SLC16A12: variants seen among roughly 807,000 people sequenced by gnomAD.
The protein encoded by SLC16A12 is monocarboxylate transporter 12.
A neutral mutation model predicts 42.4 loss-of-function variants in SLC16A12; 17 were observed. That is an observed-to-expected ratio of 0.40 (90% CI 0.27 to 0.60). The LOEUF is 0.60. Among genes scored for constraint, SLC16A12 ranks in the 20% least tolerant of loss-of-function variants. The probability of loss-of-function intolerance (pLI) is 0.42; values close to 1 mark genes in which losing one functional copy is unlikely to be tolerated. For synonymous variants in SLC16A12, 224 were observed against 229.4 expected (o/e 0.98, Z 0.21); for missense variants, 544 against 623.0 (o/e 0.87, Z 1.35).
chr10:89,433,120 C>T lies in SLC16A12; in HGVS notation c.1495G>A (p.Asp499Asn), dbSNP rs750523391. Residue 499 changes from aspartate (D) to asparagine (N), a missense_variant, in exon 8 of 8, where the codon GAT becomes AAT. Physicochemically the swap from Asp to Asn is conservative, Grantham distance 23. Transcript: ENST00000371790. ...GCCACAGGCTCCCCATGTTTCTGAT[C>T]TAATTCTCTTGCCACAGAATAAGCC... ...SVAYSVAREL[D>N]QKHGEPVATA... 54 of 1,614,200 alleles carry T rather than the reference C, an allele frequency of 3.3e-5. No homozygotes were observed. The highest frequency in any genetic ancestry group is 4.5e-5 in the Non-Finnish European group (53 of 1,180,032).
At chr10:89,487,962 GTGTA>G (rs1443031032) in intron 2 of SLC16A12, among the ~76,000 whole-genome samples, 8 of 62,804 alleles carry the variant, frequency 1.3e-4, no homozygotes, top group African/African-American at 5.4e-4. Context: ...TGTGGTGTGT[GTGTA>G]TATATATATA....
intron 3 of SLC16A12, among the ~76,000 whole-genome samples, chr10:89,461,546 C>A (rs1842300617): frequency 6.6e-6 from 1 of 152,132 alleles, no homozygotes. Context: ...ACCTGGTACC[C>A]CTTTTCCTCA....
chr10:89,437,518 G>T (rs924342310), intron 6 of SLC16A12, among the ~76,000 whole-genome samples: 8 of 152,028 alleles, frequency 5.3e-5, no homozygotes, highest in African/African-American at 1.9e-4. Context: ...GCCAGTGCAA[G>T]AACTTAGGTC....
upstream of SLC16A12, among the ~76,000 whole-genome samples, chr10:89,536,190 C>G (rs1015760992): frequency 2.6e-5 from 4 of 152,188 alleles, no homozygotes; most frequent in Non-Finnish European, 5.9e-5. Flanking sequence ...AAGAACTTTT[C>G]CCCTCAGGGT....
chr10:89,486,604 AAAGAAAGAAAGAAAGAAAG>A (rs1323343462), intron 2 of SLC16A12, among the ~76,000 whole-genome samples: 5 of 38,200 alleles, frequency 1.3e-4, no homozygotes, highest in African/African-American at 5.8e-4. Context: ...AAAAAAAAAA[AAAGAAAGAAAGAAAGAAAG>A]AAAGAAAGAA....
chr10:89,490,322 A>G (rs142090226), intron 2 of SLC16A12, among the ~76,000 whole-genome samples: 24 of 152,260 alleles, frequency 1.6e-4, no homozygotes, highest in African/African-American at 5.8e-4. Context: ...ATGTCTAACA[A>G]TTCAACTCAA....
intron 2 of SLC16A12, among the ~76,000 whole-genome samples, chr10:89,529,213 T>G (rs1459724411): frequency 2.6e-5 from 4 of 152,152 alleles, no homozygotes; most frequent in African/African-American, 9.7e-5. Context: ...TTTCAAGAAA[T>G]ACATCTGGTT....
At chr10:89,546,958 T>G (rs1843745393) in intron 2 of SLC16A12, among the ~76,000 whole-genome samples, 1 of 152,086 alleles carries the variant, frequency 6.6e-6, no homozygotes, top group Non-Finnish European at 1.5e-5. Context: ...CCGCATATTC[T>G]CCCTCATAAG....
At chr10:89,495,021 T>C (rs1315727705) in intron 2 of SLC16A12, among the ~76,000 whole-genome samples, 1 of 152,154 alleles carries the variant, frequency 6.6e-6, no homozygotes, top group Non-Finnish European at 1.5e-5. Flanking sequence ...TGAAATGCCC[T>C]GTCCCACAAC....
At chr10:89,515,721 C>G (rs1215966472) in intron 2 of SLC16A12, among the ~76,000 whole-genome samples, 1 of 152,078 alleles carries the variant, frequency 6.6e-6, no homozygotes. Flanking sequence ...GCAAGAGCAC[C>G]CCCTCACTCT....
chr10:89,435,076 G>C (rs1450457721), intron 7 of SLC16A12, among the ~76,000 whole-genome samples: 1 of 152,130 alleles, frequency 6.6e-6, no homozygotes, highest in Non-Finnish European at 1.5e-5. Context: ...ATAAATATTT[G>C]TCAAATTGTT....
At chr10:89,553,893 G>A (rs1045560458) in intron 2 of SLC16A12, among the ~76,000 whole-genome samples, 4 of 151,660 alleles carry the variant, frequency 2.6e-5, no homozygotes, top group Non-Finnish European at 4.4e-5. Flanking sequence ...CTACTTGGGA[G>A]GCTGAGGCAG....
intron 2 of SLC16A12, among the ~76,000 whole-genome samples, chr10:89,510,337 C>T (rs1256187580): frequency 6.6e-6 from 1 of 152,176 alleles, no homozygotes; most frequent in Non-Finnish European, 1.5e-5. Context: ...TCAAACCATA[C>T]TACAAGGCTA....
chr10:89,452,930 G>A (rs1589670390), intron 3 of SLC16A12, among the ~76,000 whole-genome samples: 1 of 152,188 alleles, frequency 6.6e-6, no homozygotes, highest in South Asian at 2.1e-4. Context: ...TGCAGGTGAG[G>A]GGGACCTAAG....
chr10:89,438,484 G>T, intron 6 of SLC16A12, 120 bp downstream of exon 6: 1 of 923,098 alleles, frequency 1.1e-6, no homozygotes. Context: ...GATGCCTTCA[G>T]ATACTGCAGA....
upstream of SLC16A12, among the ~76,000 whole-genome samples, chr10:89,539,886 T>TTTCTTTCTTTCG: frequency 7.0e-6 from 1 of 143,730 alleles, no homozygotes; most frequent in South Asian, 2.1e-4. Context: ...TCTTTCTTTC[T>TTTCTTTCTTTCG]TTCTTTCTTT....
At chr10:89,510,221 T>C (rs1210262070) in intron 2 of SLC16A12, among the ~76,000 whole-genome samples, 2 of 152,128 alleles carry the variant, frequency 1.3e-5, no homozygotes, top group African/African-American at 2.4e-5. Flanking sequence ...CTTCACAGAA[T>C]TGGAAAAAAC....
intron 2 of SLC16A12, among the ~76,000 whole-genome samples, chr10:89,464,117 C>T (rs939900430): frequency 2.0e-5 from 3 of 152,196 alleles, no homozygotes. Flanking sequence ...TGGCAGGGAA[C>T]CATGGGCAGC....
At chr10:89,481,629 CTG>C (rs1306499900) in intron 2 of SLC16A12, among the ~76,000 whole-genome samples, 2 of 147,994 alleles carry the variant, frequency 1.4e-5, no homozygotes, top group Non-Finnish European at 3.0e-5. Flanking sequence ...CTAATTGACA[CTG>C]TTTTTTTTTT....
Sources: gnomAD v4.1 joint callset for allele counts (sites outside exome capture counted in the v4.1 genomes callset) on GRCh38, gnomAD v4.1.1 for gene constraint, MANE v1.5 for transcripts, NCBI Gene and HGNC (gene_info 2026-07-23, HGNC 2026-07-21) for gene names.